Variants in CCSER1 observed in about 807,000 individuals in gnomAD.
CCSER1 encodes the protein serine-rich coiled-coil domain-containing protein 1.
Under a neutral mutation model 82.0 loss-of-function variants are expected in CCSER1, and 41 were observed. The ratio of observed to expected loss-of-function variants is 0.50; its 90% CI spans 0.39 to 0.65. The LOEUF (loss-of-function observed/expected upper bound fraction) is 0.65. CCSER1 is among the 30% of genes least tolerant of loss of function. CCSER1 has a pLI of 0.00. For missense variants in CCSER1, 1,119 were observed against 1,064.2 expected (o/e 1.05, Z -0.72); for synonymous variants, 414 against 383.9 (o/e 1.08, Z -0.92).
At chr4:90,346,763 C>G (rs1057239534) in intron 3 of CCSER1, among the ~76,000 whole-genome samples, 2 of 152,008 alleles carry the variant, frequency 1.3e-5, no homozygotes, top group African/African-American at 4.8e-5. Flanking sequence ...ATATATTGCT[C>G]TTCTATCTAG....
At chr4:90,816,149 G>C (rs1027122325) in intron 8 of CCSER1, among the ~76,000 whole-genome samples, 2 of 152,110 alleles carry the variant, frequency 1.3e-5, no homozygotes, top group Non-Finnish European at 2.9e-5. Flanking sequence ...CATTGTTTTT[G>C]TAAAGTGCAT....
chr4:90,788,263 A>G (rs973561206), intron 7 of CCSER1, among the ~76,000 whole-genome samples: 25 of 152,118 alleles, frequency 1.6e-4, no homozygotes, highest in African/African-American at 5.8e-4. Context: ...TATCAACTCA[A>G]TTACTTATAT....
At chr4:91,406,932 C>T (rs184042800) in intron 10 of CCSER1, among the ~76,000 whole-genome samples, 2 of 152,250 alleles carry the variant, frequency 1.3e-5, no homozygotes, top group Admixed American at 1.3e-4. Context: ...CAACATGGCA[C>T]ATTGAAGATG....
chr4:90,370,328 T>G (rs1414957541), intron 3 of CCSER1: 2 of 152,018 alleles, frequency 1.3e-5, no homozygotes, highest in African/African-American at 4.8e-5. Context: ...GAAGGTAGCT[T>G]TCTAGAACTT....
chr4:90,822,727 C>CAA (rs58985334), intron 8 of CCSER1, among the ~76,000 whole-genome samples: 71 of 76,610 alleles, frequency 9.3e-4, no homozygotes, highest in Non-Finnish European at 1.2e-3. Context: ...GACTCCATCT[C>CAA]AAAAAAAAAA....
chr4:90,875,599 C>A (rs546983005), intron 8 of CCSER1, among the ~76,000 whole-genome samples: 13 of 152,118 alleles, frequency 8.5e-5, no homozygotes, highest in Non-Finnish European at 1.5e-4. Context: ...TGTAACAAGT[C>A]TTGCATGTCA....
Position 91,596,169 on chromosome 4 carries a change from T to G in CCSER1, c.2218-2403T>G, listed in dbSNP as rs143702557. On this transcript the variant is annotated intron_variant, in intron 10 of 10. Coordinates refer to ENST00000509176, the MANE Select transcript of CCSER1 (RefSeq NM_001145065.2). ...TGAGGCTGCCTGTGTGACTGAATTA[T>G]TTGATCCTTTTCAATATGTCTTTTT... is the stretch of plus-strand genomic sequence containing the variant. Among the ~76,000 whole-genome samples the G allele has an allele frequency of 2.0e-5, 3 of 152,146 alleles. No homozygotes were observed. The East Asian group carries it at 5.8e-4, about 29-fold the overall frequency.
intron 5 of CCSER1, among the ~76,000 whole-genome samples, chr4:90,597,454 G>A (rs890058593): frequency 4.6e-5 from 7 of 151,222 alleles, no homozygotes; most frequent in Admixed American, 1.3e-4. Flanking sequence ...TACTATTTAA[G>A]TTTTGACATA....
chr4:90,837,223 G>C (rs556118811), intron 8 of CCSER1, among the ~76,000 whole-genome samples: 34 of 152,048 alleles, frequency 2.2e-4, no homozygotes, highest in African/African-American at 6.7e-4. Context: ...TAAATAATCT[G>C]TGATTATTTT....
chr4:90,901,497 C>T (rs1018080091), intron 8 of CCSER1, among the ~76,000 whole-genome samples: 3 of 151,972 alleles, frequency 2.0e-5, no homozygotes, highest in Admixed American at 6.6e-5. Flanking sequence ...AATCTCTTAG[C>T]ATTTGTTTGT....
In CCSER1 at chr4:91,453,613, C is replaced by T. The variant is rs575975153; in HGVS notation, c.2218-144959C>T. On this transcript the variant is annotated intron_variant, in intron 10 of 10. Transcript: ENST00000509176. ...CAATGATGTGTACTGAGTTTTCTAT[C>T]TATTCCCGATAAATTGCAGTCACTA... Among the ~76,000 whole-genome samples the T allele has an allele frequency of 2.0e-4, 31 of 152,130 alleles. No individual in the cohort carries two copies. The East Asian group carries it at 6.0e-3, about 29-fold the overall frequency.
At chr4:90,810,505 C>G (rs2149738193) in intron 7 of CCSER1, among the ~76,000 whole-genome samples, 2 of 151,970 alleles carry the variant, frequency 1.3e-5, no homozygotes, top group South Asian at 4.2e-4. Flanking sequence ...AAAAATTAGC[C>G]AGGTGTGGTG....
intron 10 of CCSER1, among the ~76,000 whole-genome samples, chr4:91,196,059 C>A (rs76349082): frequency 4.6e-5 from 7 of 151,712 alleles, no homozygotes; most frequent in Non-Finnish European, 1.0e-4. Context: ...CGGTGGCGGG[C>A]GCCTGTAGTC....
At chr4:90,645,253 C>T (rs375416076) in intron 6 of CCSER1, among the ~76,000 whole-genome samples, 29 of 152,086 alleles carry the variant, frequency 1.9e-4, no homozygotes, top group African/African-American at 6.5e-4. Flanking sequence ...TAGATACCTA[C>T]GTTTACCTAG....
At chr4:90,261,010 C>T (rs928694822) in intron 1 of CCSER1, among the ~76,000 whole-genome samples, 1 of 152,174 alleles carries the variant, frequency 6.6e-6, no homozygotes, top group African/African-American at 2.4e-5. Context: ...GGCACCACAC[C>T]TGGCTAGGTG....
intron 8 of CCSER1, among the ~76,000 whole-genome samples, chr4:90,915,899 G>T (rs1727306438): frequency 2.0e-5 from 3 of 151,972 alleles, no homozygotes; most frequent in African/African-American, 7.3e-5. Flanking sequence ...AATCATGAGT[G>T]AACTCCCATT....
At chr4:91,097,335 G>A (rs1561546224) in intron 10 of CCSER1, among the ~76,000 whole-genome samples, 1 of 151,950 alleles carries the variant, frequency 6.6e-6, no homozygotes, top group Admixed American at 6.6e-5. Flanking sequence ...GATTAAGGCT[G>A]TTATTGGAAG....
intron 10 of CCSER1, among the ~76,000 whole-genome samples, chr4:91,241,560 T>A (rs76241537): frequency 0.12 from 18,185 of 150,054 alleles, 1,281 homozygotes; most frequent in Middle Eastern, 0.17. Context: ...TCTCCTGACC[T>A]CTTGATCCAC....
intron 3 of CCSER1, among the ~76,000 whole-genome samples, chr4:90,347,324 T>TCTAC (rs1463316570): frequency 3.3e-5 from 5 of 151,664 alleles, no homozygotes; most frequent in African/African-American, 1.2e-4. Flanking sequence ...TATCTATCTA[T>TCTAC]CTATCTATCT....
Sources: allele counts gnomAD v4.1 joint callset (sites outside exome capture counted in the v4.1 genomes callset), GRCh38; gene constraint gnomAD v4.1.1; transcripts MANE v1.5; gene names NCBI Gene and HGNC (gene_info 2026-07-23, HGNC 2026-07-21).